Variants in JAK2 observed in about 807,000 individuals in gnomAD.
The protein encoded by JAK2 is tyrosine-protein kinase JAK2.
In JAK2, 86 loss-of-function variants were observed where a neutral mutation model predicts 139.3. The ratio of observed to expected loss-of-function variants is 0.62; its 90% confidence interval spans 0.52 to 0.74. The LOEUF is 0.74. JAK2 is among the 30% of genes least tolerant of loss of function. The probability of loss-of-function intolerance (pLI) is 0.00; values close to 1 mark genes in which losing one functional copy is unlikely to be tolerated. For missense variants in JAK2, 1,421 were observed against 1,360.3 expected, an observed-to-expected ratio of 1.04 and a Z score of -0.70; for synonymous variants, 490 against 437.7, an observed-to-expected ratio of 1.12 and a Z score of -1.49.
At chr9:5,048,196 C>CA (rs1405640404) in intron 5 of JAK2, among the ~76,000 whole-genome samples, 2 of 151,878 alleles carry the variant, frequency 1.3e-5, no homozygotes, top group African/African-American at 4.8e-5. Context: ...GGCTGGAGTG[C>CA]AATGGCGTGA....
chr9:5,112,672 C>A (rs533254998), intron 22 of JAK2: 4 of 946,248 alleles, frequency 4.2e-6, no homozygotes, highest in Non-Finnish European at 4.4e-6. Flanking sequence ...TGCACCAGGC[C>A]GTCTCGGTCA....
intron 4 of JAK2, among the ~76,000 whole-genome samples, chr9:5,031,034 G>C (rs1823113281): frequency 6.6e-6 from 1 of 151,898 alleles, no homozygotes; most frequent in South Asian, 2.1e-4. Flanking sequence ...GTCTTAATAA[G>C]AAAAAACAGA....
chr9:5,059,297 T>C (rs1384410872), intron 8 of JAK2, among the ~76,000 whole-genome samples: 1 of 152,248 alleles, frequency 6.6e-6, no homozygotes, highest in East Asian at 1.9e-4. Context: ...TAATAAAGGT[T>C]GTATAAATGG....
chr9:5,112,262 C>T, intron 22 of JAK2: 1 of 258,144 alleles, frequency 3.9e-6, no homozygotes. Context: ...TGAGGACGGC[C>T]CTGCGGGCAG....
intron 12 of JAK2, among the ~76,000 whole-genome samples, chr9:5,072,065 C>G (rs756911250): frequency 9.9e-5 from 15 of 152,072 alleles, no homozygotes; most frequent in Non-Finnish European, 2.1e-4. Context: ...AGCTGCAGCA[C>G]AGAGATTAAA....
At chr9:5,016,975 G>A (rs1822106958) in intron 2 of JAK2, among the ~76,000 whole-genome samples, 1 of 152,152 alleles carries the variant, frequency 6.6e-6, no homozygotes, top group Non-Finnish European at 1.5e-5. Context: ...AAAGTATGTA[G>A]TCATTTTTGA....
intron 4 of JAK2, among the ~76,000 whole-genome samples, chr9:5,042,973 C>T (rs1816716250): frequency 6.6e-6 from 1 of 152,222 alleles, no homozygotes. Flanking sequence ...GTGCTCCGAC[C>T]CTCAGAAGCT....
At chr9:5,044,350 C>A in intron 4 of JAK2, 53 bp from the exon 5 acceptor site, 3 of 1,084,402 alleles carry the variant, frequency 2.8e-6, no homozygotes, top group Non-Finnish European at 4.3e-6. Context: ...ATAGATAGTA[C>A]GTTTGTATTT....
At chr9:5,003,816 T>G (rs1821088881) in intron 2 of JAK2, among the ~76,000 whole-genome samples, 1 of 151,732 alleles carries the variant, frequency 6.6e-6, no homozygotes, top group South Asian at 2.1e-4. Context: ...TATTTTACCA[T>G]TAGGTATATT....
intron 4 of JAK2, among the ~76,000 whole-genome samples, chr9:5,039,092 G>C (rs1248320542): frequency 6.6e-6 from 1 of 152,026 alleles, no homozygotes; most frequent in East Asian, 1.9e-4. Flanking sequence ...CCTATGATCA[G>C]GAATGAGATG....
intron 2 of JAK2, among the ~76,000 whole-genome samples, chr9:5,021,482 A>G (rs530192689): frequency 2.0e-5 from 3 of 152,208 alleles, no homozygotes; most frequent in Non-Finnish European, 4.4e-5. Context: ...TTTAAAATGT[A>G]TGATTTCTTG....
intron 23 of JAK2, among the ~76,000 whole-genome samples, chr9:5,124,573 G>A (rs532938496): frequency 1.3e-5 from 2 of 151,624 alleles, no homozygotes; most frequent in South Asian, 4.2e-4. Flanking sequence ...AAATTCATAG[G>A]GAACCAAAAA....
chr9:5,085,792 C>T (rs1820049167), intron 19 of JAK2: 2 of 755,622 alleles, frequency 2.6e-6, no homozygotes, highest in South Asian at 2.7e-5. Flanking sequence ...ATATTACATG[C>T]TCGGGCCATT....
intron 12 of JAK2, among the ~76,000 whole-genome samples, chr9:5,071,951 A>G (rs777438482): frequency 1.3e-5 from 2 of 152,232 alleles, no homozygotes; most frequent in Non-Finnish European, 2.9e-5. Context: ...ACTATGTGTC[A>G]TGGACTGTGC....
In JAK2 at chr9:5,126,870, T is replaced by C; in HGVS notation, c.*79T>C. ...ATTTCACATTGCTGTGGACTATTAT[T>C]ACATATATCATTATTATATAAATCA... On this transcript the variant is annotated 3_prime_UTR_variant, in exon 25 of 25. Transcript: ENST00000381652. 1.4e-6 allele frequency: 1 copy of C among 725,942 alleles called. No individual in the cohort carries two copies. Among genetic ancestry groups the C allele is most frequent in the Non-Finnish European group, 2.3e-6 (1 of 435,892 alleles). The allele number at this position is 725,942 out of a possible 1,614,324, so 45.0% of individuals were successfully genotyped here. A position where few individuals can be genotyped will look rare whatever the true frequency, so the allele number is the denominator to read the frequency against.
At chr9:5,030,011 A>G in intron 4 of JAK2, 105 bp downstream of exon 4, 1 of 896,394 alleles carries the variant, frequency 1.1e-6, no homozygotes, top group Non-Finnish European at 1.7e-6. Flanking sequence ...TACCTGAACC[A>G]ATTAGTTAGC....
rs1477443542 is a variant in JAK2, at chr9:5,050,781, A to G, written c.564A>G (p.Arg188=). ...GGATGGCAGTGTTAGATATGATGAG[A>G]ATAGCCAAAGAAAACGATCAAACCC... The part of the protein sequence containing the change: ...CLGMAVLDMM[R]IAKENDQTPL... Residue 188 remains arginine, a synonymous_variant, in exon 6 of 25, where the codon AGA becomes AGG. Coordinates refer to ENST00000381652, the MANE Select transcript of JAK2 (RefSeq NM_004972.4). 2 of 1,613,698 alleles carry G rather than the reference A, an allele frequency of 1.2e-6. No individual in the cohort carries two copies. Among genetic ancestry groups the G allele is most frequent in the Non-Finnish European group, 1.7e-6 (2 of 1,179,772 alleles).
chr9:5,112,005 C>G (rs1022703592), intron 22 of JAK2: 3 of 386,620 alleles, frequency 7.8e-6, no homozygotes, highest in Admixed American at 3.1e-5. Flanking sequence ...AGGGACGTCG[C>G]ACTAGCCTGG....
At chr9:5,102,209 G>A (rs1821552489) in intron 22 of JAK2, among the ~76,000 whole-genome samples, 1 of 152,140 alleles carries the variant, frequency 6.6e-6, no homozygotes, top group South Asian at 2.1e-4. Flanking sequence ...ACCTGATGGA[G>A]CTGAAAACCA....
Sources: gnomAD v4.1 joint callset for allele counts (sites outside exome capture counted in the v4.1 genomes callset) on GRCh38, gnomAD v4.1.1 for gene constraint, MANE v1.5 for transcripts, NCBI Gene and HGNC (gene_info 2026-07-23, HGNC 2026-07-21) for gene names.